The following SUCLG2 variants were observed in gnomAD, a reference collection of about 807,000 sequenced individuals.
SUCLG2 encodes the protein succinate-CoA ligase GDP-forming subunit beta, also known as succinate--CoA ligase [GDP-forming] subunit beta, mitochondrial.
SUCLG2 carries 42 observed loss-of-function variants against 47.9 expected under a neutral mutation model. The observed-to-expected ratio is 0.88, with a 90% CI of 0.69 to 1.14. SUCLG2 has a LOEUF of 1.14. Among genes scored for constraint, SUCLG2 ranks in the 50% most tolerant of loss-of-function variants. The pLI, the probability that SUCLG2 is intolerant of heterozygous loss-of-function variation, is 0.00. For synonymous variants in SUCLG2, 195 were observed against 197.3 expected, an observed-to-expected ratio of 0.99 and a Z score of 0.10; for missense variants, 571 against 525.9, an observed-to-expected ratio of 1.09 and a Z score of -0.84.
intron 1 of SUCLG2, among the ~76,000 whole-genome samples, chr3:67,620,306 G>T (rs192991835): frequency 1.5e-5 from 2 of 132,898 alleles, no homozygotes; most frequent in African/African-American, 6.4e-5. Context: ...TGATGAGGCC[G>T]GGTGCAGTGG....
intron 10 of SUCLG2, chr3:67,376,418 C>G (rs1702036031): frequency 1.0e-6 from 1 of 985,410 alleles, no homozygotes; most frequent in Middle Eastern, 5.2e-4. Flanking sequence ...TCTGGAGTAT[C>G]TTCTGGCCAA....
At chr3:67,373,849 C>G (rs764132646), downstream of SUCLG2, among the ~76,000 whole-genome samples, 1 of 152,130 alleles carries the variant, frequency 6.6e-6, no homozygotes, top group African/African-American at 2.4e-5. Flanking sequence ...GTAAAAATGG[C>G]CTGCCTGAGA....
intron 2 of SUCLG2, among the ~76,000 whole-genome samples, chr3:67,532,990 A>G (rs1383764795): frequency 6.6e-6 from 1 of 152,232 alleles, no homozygotes; most frequent in Non-Finnish European, 1.5e-5. Context: ...AAATCAAATC[A>G]TTAAGAAAAG....
intron 2 of SUCLG2, among the ~76,000 whole-genome samples, chr3:67,603,675 C>T (rs1400917903): frequency 6.6e-6 from 1 of 152,112 alleles, no homozygotes; most frequent in African/African-American, 2.4e-5. Context: ...AGTCTCATGT[C>T]AACATGTGTG....
At chr3:67,409,111 G>C in intron 9 of SUCLG2, 1 of 1,386,520 alleles carries the variant, frequency 7.2e-7, no homozygotes, top group Admixed American at 2.2e-5. Flanking sequence ...TTACAATACA[G>C]ATATTTCCTG....
intron 9 of SUCLG2, among the ~76,000 whole-genome samples, chr3:67,462,163 A>C (rs951811151): frequency 1.3e-5 from 2 of 149,660 alleles, no homozygotes; most frequent in Non-Finnish European, 3.0e-5. Context: ...TCAAAAAACA[A>C]TCTCTCTCTC....
chr3:67,380,923 T>C (rs1702144966), intron 10 of SUCLG2, among the ~76,000 whole-genome samples: 1 of 152,198 alleles, frequency 6.6e-6, no homozygotes, highest in Admixed American at 6.5e-5. Context: ...ATAGCTCTAC[T>C]GCCCACTGAC....
intron 2 of SUCLG2, among the ~76,000 whole-genome samples, chr3:67,564,629 C>T (rs926125969): frequency 7.9e-5 from 12 of 152,238 alleles, no homozygotes; most frequent in African/African-American, 2.9e-4. Context: ...AGGCCACATG[C>T]AGCTCAGGAC....
chr3:67,593,260 C>G (rs1201859091), intron 2 of SUCLG2, among the ~76,000 whole-genome samples: 1 of 135,856 alleles, frequency 7.4e-6, no homozygotes, highest in Non-Finnish European at 1.6e-5. Flanking sequence ...TTCAATTGGT[C>G]TAACACATAT....
At chr3:67,384,140 G>A (rs1387410579) in intron 10 of SUCLG2, among the ~76,000 whole-genome samples, 4 of 152,138 alleles carry the variant, frequency 2.6e-5, no homozygotes, top group Non-Finnish European at 5.9e-5. Context: ...CTGTCCTTAC[G>A]TGGGGAAATG....
At chr3:67,399,072 A>C (rs1413133706) in intron 10 of SUCLG2, among the ~76,000 whole-genome samples, 1 of 150,816 alleles carries the variant, frequency 6.6e-6, no homozygotes, top group Non-Finnish European at 1.5e-5. Context: ...CCTAATGCTA[A>C]ATGACGAGTT....
intron 2 of SUCLG2, among the ~76,000 whole-genome samples, chr3:67,549,480 T>G (rs72927343): frequency 2.6e-5 from 4 of 152,122 alleles, no homozygotes; most frequent in Non-Finnish European, 5.9e-5. Flanking sequence ...TTAGAAAATA[T>G]AGACACAAAT....
intron 9 of SUCLG2, among the ~76,000 whole-genome samples, chr3:67,447,367 G>C (rs1575702902): frequency 6.6e-6 from 1 of 152,270 alleles, no homozygotes; most frequent in East Asian, 1.9e-4. Context: ...ATAAGTGTAG[G>C]AATGAGTTTT....
intron 10 of SUCLG2, among the ~76,000 whole-genome samples, chr3:67,399,895 C>T (rs912503553): frequency 2.0e-5 from 3 of 152,068 alleles, no homozygotes; most frequent in African/African-American, 7.2e-5. Flanking sequence ...TAAAAACTCC[C>T]CCTGGCTAGG....
chr3:67,554,884 T>G (rs894323778), intron 2 of SUCLG2, among the ~76,000 whole-genome samples: 2 of 152,142 alleles, frequency 1.3e-5, no homozygotes, highest in Non-Finnish European at 2.9e-5. Flanking sequence ...GGTCCCCTAG[T>G]ACGTGAGGAC....
At chr3:67,615,619 CAA>C (rs769413333) in intron 1 of SUCLG2, among the ~76,000 whole-genome samples, 35 of 139,832 alleles carry the variant, frequency 2.5e-4, no homozygotes, top group African/African-American at 8.8e-4. Flanking sequence ...AACACAAACA[CAA>C]ACACACACAC....
At chr3:67,374,243 G>C (rs943819715), downstream of SUCLG2, among the ~76,000 whole-genome samples, 5 of 152,150 alleles carry the variant, frequency 3.3e-5, no homozygotes, top group African/African-American at 4.8e-5. Flanking sequence ...CTATCCAATA[G>C]TTTATTTCTC....
At chr3:67,471,082 G>C (rs1207467538) in intron 9 of SUCLG2, among the ~76,000 whole-genome samples, 2 of 152,206 alleles carry the variant, frequency 1.3e-5, no homozygotes, top group Non-Finnish European at 1.5e-5. Context: ...TGCTAACACT[G>C]TTGGGATCAG....
At position 67,609,534 on chromosome 3, in the gene SUCLG2, C is replaced by T; in HGVS notation, c.147G>A (p.Met49Ile). ...TTTGAACTCTCACTCCGTTGTCAGA[C>T]ATCAGTTTCTTGCTCTGGTATTCCT... ...NLQEYQSKKLMSDNGVRVQRF... is the reference protein window; with the variant it reads ...NLQEYQSKKLISDNGVRVQRF... Residue 49 changes from methionine (M) to isoleucine (I), a missense_variant, in exon 2 of 11, where the codon ATG becomes ATA. Met to Ile is a conservative substitution (Grantham distance 10). Coordinates refer to ENST00000307227, the MANE Select transcript of SUCLG2 (RefSeq NM_003848.4). The T allele has an allele frequency of 6.2e-7, 1 of 1,613,934 alleles. No individual in the cohort carries two copies. Among genetic ancestry groups the T allele is most frequent in the Non-Finnish European group, 8.5e-7 (1 of 1,179,902 alleles).
Sources: allele counts gnomAD v4.1 joint callset (sites outside exome capture counted in the v4.1 genomes callset), GRCh38; gene constraint gnomAD v4.1.1; transcripts MANE v1.5; gene names NCBI Gene and HGNC (gene_info 2026-07-23, HGNC 2026-07-21).